The following KAZN variants were observed in gnomAD, a reference collection of about 807,000 sequenced individuals.
The protein encoded by KAZN is kazrin.
Under a neutral mutation model 87.4 loss-of-function variants are expected in KAZN, and 40 were observed. The observed-to-expected ratio is 0.46, with a 90% CI of 0.36 to 0.60. KAZN has a LOEUF of 0.60. Ranked by LOEUF, KAZN falls within the 20% of genes least tolerant of loss-of-function variation. The pLI, the probability that KAZN is intolerant of heterozygous loss-of-function variation, is 0.00. For missense variants in KAZN, 898 were observed against 1,073.9 expected (o/e 0.84, Z 2.29); for synonymous variants, 466 against 458.3 (o/e 1.02, Z -0.22).
At position 14,033,141 on chromosome 1, in the gene KAZN, C is replaced by G. The variant is rs117443514; in HGVS notation, c.91+139385C>G. ...CATTGTTTGGAATCCTTTTCTGCTA[C>G]TAATGCAGCAGACAAGAATCAAACC... On this transcript the variant is annotated intron_variant, in intron 1 of 16. Coordinates refer to the KAZN transcript ENST00000636203. Among the ~76,000 whole-genome samples the G allele has an allele frequency of 1.4e-3, 215 of 152,262 alleles. 2 individuals are homozygous for G. The highest frequency in any genetic ancestry group is 0.011 in the Admixed American group (163 of 15,246).
rs149813558 is a variant in KAZN at position 14,468,578 on chromosome 1, A to G, written c.250-130405A>G. Reference sequence around the variant, plus strand: ...TCATATTGCACATCATGCTATAGCTATGAGTCTTCCTACATGTCCACATTC... The same window carrying G: ...TCATATTGCACATCATGCTATAGCTGTGAGTCTTCCTACATGTCCACATTC... On this transcript the variant is annotated intron_variant, in intron 2 of 16. Transcript: ENST00000636203. Among the ~76,000 whole-genome samples the G allele has an allele frequency of 5.8e-3, 891 of 152,308 alleles. 8 individuals carry two copies. Among genetic ancestry groups the G allele is most frequent in the African/African-American group, 0.021 (853 of 41,566 alleles).
chr1:14,596,929 T>G (rs1276249600), upstream of KAZN, among the ~76,000 whole-genome samples: 1 of 152,230 alleles, frequency 6.6e-6, no homozygotes, highest in Non-Finnish European at 1.5e-5. Context: ...GTTTGGATAT[T>G]TGTTTTGGAC....
rs529076157 is a variant in KAZN, at chr1:14,511,578, C to T, written c.250-87405C>T. Among the ~76,000 whole-genome samples, 32 of 152,236 alleles carry T rather than the reference C, an allele frequency of 2.1e-4. 1 individual carries two copies. The South Asian group carries it at 3.9e-3, about 19-fold the overall frequency. ...TAATCACAACACATTTATCATTCAC[C>T]GGGCAGAATTATTTTGGCAAGAAAT... On this transcript the variant is annotated intron_variant, in intron 2 of 16. Transcript: ENST00000636203.
Position 15,056,296 on chromosome 1 carries a change from G to A in KAZN, c.916+16G>A. ...GACCGGCAAGGTGAGTCCTGCCCTG[G>A]CCTGGCTCCACCACGGCTTCGAGGG... On this transcript the variant is annotated intron_variant, in intron 5 of 14. Transcript: ENST00000376030. The surrounding 1 kb of genome is among the most constrained non-coding windows in gnomAD (Gnocchi z 5.4). The A allele has an allele frequency of 6.3e-7, 1 of 1,586,196 alleles. No individual in the cohort carries two copies. Among genetic ancestry groups the A allele is most frequent in the Admixed American group, 1.7e-5 (1 of 59,046 alleles).
At chr1:14,733,566 CTCTT>C (rs1643779298) in intron 1 of KAZN, among the ~76,000 whole-genome samples, 1 of 152,044 alleles carries the variant, frequency 6.6e-6, no homozygotes, top group Non-Finnish European at 1.5e-5. Flanking sequence ...CGGATGACCT[CTCTT>C]TCGGGGAGTG....
chr1:14,096,393 G>A (rs114608964), intron 1 of KAZN, among the ~76,000 whole-genome samples: 1,818 of 152,310 alleles, frequency 0.012, 18 homozygotes, highest in Admixed American at 0.023. Context: ...GGGGGCTTAA[G>A]AGTGAGCCAG....
intron 2 of KAZN, among the ~76,000 whole-genome samples, chr1:14,443,403 A>G (rs1666804282): frequency 1.3e-5 from 2 of 152,202 alleles, no homozygotes; most frequent in Admixed American, 1.3e-4. Context: ...AAGACACGAG[A>G]CACATCCAGA....
chr1:15,026,520 A>G (rs1385102445), intron 2 of KAZN, among the ~76,000 whole-genome samples: 1 of 152,166 alleles, frequency 6.6e-6, no homozygotes, highest in Non-Finnish European at 1.5e-5. Context: ...GGGGGAAAAA[A>G]GCAGCACCAG....
intron 1 of KAZN, among the ~76,000 whole-genome samples, chr1:14,087,526 C>T (rs1643883181): frequency 6.6e-6 from 1 of 152,104 alleles, no homozygotes; most frequent in Non-Finnish European, 1.5e-5. Context: ...ACATCTTCAC[C>T]TTGCTCCAGT....
intron 2 of KAZN, among the ~76,000 whole-genome samples, chr1:14,521,965 T>A (rs575454575): frequency 2.0e-5 from 3 of 152,330 alleles, no homozygotes; most frequent in African/African-American, 7.2e-5. Context: ...TTTGAAAGAA[T>A]GTGAACTTTT....
chr1:14,767,251 T>C (rs1053689424), intron 1 of KAZN, among the ~76,000 whole-genome samples: 22 of 152,214 alleles, frequency 1.4e-4, no homozygotes, highest in African/African-American at 5.3e-4. Context: ...AGCCTTCTTA[T>C]CTGCCCACAG....
intron 2 of KAZN, among the ~76,000 whole-genome samples, chr1:14,591,418 A>AAC (rs36060158): frequency 0.21 from 30,536 of 147,190 alleles, 3,255 homozygotes; most frequent in South Asian, 0.28. Context: ...GGAAAGAAGA[A>AAC]ACACACACAC....
chr1:14,836,724 A>G (rs1647301176), intron 1 of KAZN, among the ~76,000 whole-genome samples: 1 of 152,152 alleles, frequency 6.6e-6, no homozygotes, highest in Non-Finnish European at 1.5e-5. Context: ...GGGGAGGGAA[A>G]TGGAGAGGGG....
intron 1 of KAZN, among the ~76,000 whole-genome samples, chr1:14,157,230 G>T (rs1645614121): frequency 2.0e-5 from 3 of 151,854 alleles, no homozygotes; most frequent in South Asian, 2.1e-4. Flanking sequence ...TATTATTTTT[G>T]ATTGTTTCAT....
intron 1 of KAZN, among the ~76,000 whole-genome samples, chr1:13,988,169 CA>C (rs1336414720): frequency 1.3e-5 from 2 of 151,978 alleles, no homozygotes; most frequent in Non-Finnish European, 2.9e-5. Flanking sequence ...CAGAAGGAGA[CA>C]AATATTGAAG....
intron 1 of KAZN, among the ~76,000 whole-genome samples, chr1:14,633,820 A>G (rs1679756491): frequency 6.6e-6 from 1 of 152,162 alleles, no homozygotes; most frequent in Admixed American, 6.5e-5. Context: ...ATATTGGTTA[A>G]GAGAGAGCCT....
intron 1 of KAZN, among the ~76,000 whole-genome samples, chr1:14,859,572 C>T (rs1420958341): frequency 6.6e-6 from 1 of 152,138 alleles, no homozygotes; most frequent in African/African-American, 2.4e-5. Flanking sequence ...CTTAATTTAA[C>T]CCTGATCTGA....
intron 1 of KAZN, among the ~76,000 whole-genome samples, chr1:14,849,567 T>C (rs937721752): frequency 2.6e-5 from 4 of 152,190 alleles, no homozygotes; most frequent in Non-Finnish European, 5.9e-5. Context: ...GGGAGTTTTG[T>C]AACCAGAGAA....
At chr1:15,082,273 G>A (rs775082381) in intron 8 of KAZN, among the ~76,000 whole-genome samples, 4 of 152,126 alleles carry the variant, frequency 2.6e-5, no homozygotes, top group African/African-American at 4.8e-5. Context: ...GGTTCCCTGC[G>A]CCACCTCCAA....
Sources: allele counts gnomAD v4.1 joint callset (sites outside exome capture counted in the v4.1 genomes callset), GRCh38; gene constraint gnomAD v4.1.1; non-coding constraint Gnocchi (gnomAD v3.1); transcripts MANE v1.5; gene names NCBI Gene and HGNC (gene_info 2026-07-23, HGNC 2026-07-21).